Variants in AHCY observed in about 807,000 individuals in gnomAD.
AHCY encodes adenosylhomocysteinase.
A neutral mutation model predicts 45.4 loss-of-function variants in AHCY; 24 were observed. The observed-to-expected ratio is 0.53, with a 90% CI of 0.38 to 0.74. The LOEUF (loss-of-function observed/expected upper bound fraction) is 0.74, where lower values mean the gene tolerates loss of function less well. AHCY is among the 30% of genes least tolerant of loss of function. The pLI is 0.00. For synonymous variants in AHCY, 245 were observed against 235.1 expected, an observed-to-expected ratio of 1.04 and a Z score of -0.39; for missense variants, 449 against 594.1, an observed-to-expected ratio of 0.76 and a Z score of 2.54.
At chr20:34,257,273 T>C in the AHCY span, among the ~76,000 whole-genome samples, 1 of 151,942 alleles carries the variant, frequency 6.6e-6, no homozygotes, top group Non-Finnish European at 1.5e-5. Flanking sequence ...GTATTTTTAG[T>C]AGAAACGGGG....
At chr20:34,255,005 C>T in the AHCY span, among the ~76,000 whole-genome samples, 1 of 152,182 alleles carries the variant, frequency 6.6e-6, no homozygotes, top group Non-Finnish European at 1.5e-5. Flanking sequence ...ATTCACTTTT[C>T]CTGAGTTAGG....
At chr20:34,251,995 C>A in the AHCY span, among the ~76,000 whole-genome samples, 1 of 152,194 alleles carries the variant, frequency 6.6e-6, no homozygotes. Flanking sequence ...CAGACTAAGA[C>A]AGGATTCATA....
At chr20:34,263,058 C>T in the AHCY span, among the ~76,000 whole-genome samples, 1 of 152,116 alleles carries the variant, frequency 6.6e-6, no homozygotes, top group South Asian at 2.1e-4. Context: ...AGCTCTGAGC[C>T]AGACACCCAC....
chr20:34,258,845 G>GTATAATATATGA, the AHCY span, among the ~76,000 whole-genome samples: 1 of 116,584 alleles, frequency 8.6e-6, no homozygotes, highest in South Asian at 2.6e-4. Flanking sequence ...TATATATAGT[G>GTATAATATATGA]TATATATAAT....
upstream of AHCY, among the ~76,000 whole-genome samples, chr20:34,304,422 A>G (rs1414416265): frequency 6.6e-6 from 1 of 152,088 alleles, no homozygotes; most frequent in East Asian, 1.9e-4. Flanking sequence ...AATCATCTCT[A>G]GATTACTTAT....
At chr20:34,291,859 TATCTTCTCAGAGAA>T (rs1367728736) in intron 4 of AHCY, among the ~76,000 whole-genome samples, 3 of 152,240 alleles carry the variant, frequency 2.0e-5, no homozygotes, top group Non-Finnish European at 4.4e-5. Flanking sequence ...TTCTAACATG[TATCTTCTCAGAGAA>T]ATCTTCTCAA....
chr20:34,299,164 G>A (rs1349343395), intron 1 of AHCY, among the ~76,000 whole-genome samples: 4 of 152,032 alleles, frequency 2.6e-5, no homozygotes, highest in African/African-American at 9.7e-5. Context: ...CACACAGGGA[G>A]AGACCCACCG....
intron 3 of AHCY, 69 bp from the exon 4 acceptor site, chr20:34,292,576 C>T: frequency 1.2e-6 from 2 of 1,608,518 alleles, no homozygotes; most frequent in Non-Finnish European, 1.7e-6. Context: ...ACAACTCTGG[C>T]AGAGCCAAAA....
Position 34,290,337 on chromosome 20 carries a change from G to A in AHCY, c.967C>T (p.Pro323Ser), listed in dbSNP as rs2036331952. Reference sequence around the variant, plus strand: ...GCAAGGCGGGAGCTTCTCACCTGCGGCTTGATGTTCACCTTCTCCACGGCG... The same window carrying A: ...GCAAGGCGGGAGCTTCTCACCTGCGACTTGATGTTCACCTTCTCCACGGCG... ...ENAVEKVNIKPQVDRYRLKNG... is the reference protein window; with the variant it reads ...ENAVEKVNIKSQVDRYRLKNG... Residue 323 changes from proline to serine, a missense_variant, in exon 8 of 10, where the codon CCG becomes TCG. Physicochemically the swap from Pro to Ser is moderately conservative, Grantham distance 74. Coordinates refer to ENST00000217426, the MANE Select transcript of AHCY (RefSeq NM_000687.4). The surrounding 1 kb of genome is among the most constrained non-coding windows in gnomAD (Gnocchi z 4.5). 2 of 1,613,986 alleles carry A rather than the reference G, an allele frequency of 1.2e-6. No homozygotes were observed. Among genetic ancestry groups the A allele is most frequent in the East Asian group, 2.2e-5 (1 of 44,878 alleles).
At chr20:34,260,525 T>C in the AHCY span, 1 of 1,611,890 alleles carries the variant, frequency 6.2e-7, no homozygotes, top group Non-Finnish European at 8.5e-7. Flanking sequence ...CCCTTCTGTC[T>C]CTATTGTGGG....
intron 8 of AHCY, among the ~76,000 whole-genome samples, chr20:34,287,732 GAGA>G (rs2036236376): frequency 6.6e-6 from 1 of 152,144 alleles, no homozygotes; most frequent in Non-Finnish European, 1.5e-5. Flanking sequence ...GATGAACAAG[GAGA>G]AGGGCATGTG....
Position 34,295,545 on chromosome 20 carries a change from G to A in AHCY, c.69C>T (p.Asp23=). 6.2e-7 allele frequency: 1 copy of A among 1,614,160 alleles called. No individual in the cohort carries two copies. Among genetic ancestry groups the A allele is most frequent in the Non-Finnish European group, 8.5e-7 (1 of 1,180,034 alleles). The change falls in exon 2 of 10, where the codon GAC becomes GAT. Residue 23 remains aspartate, a synonymous_variant. Coordinates refer to ENST00000217426, the MANE Select transcript of AHCY (RefSeq NM_000687.4). ...GGCCCGGCATCTCGTTCTCAGCAAT[G>A]TCCAGGGCCTTGCGTCCCCAGGCAG... The part of the protein sequence containing the change: ...GLAAWGRKAL[D]IAENEMPGLM...
Position 34,301,743 on chromosome 20 carries a change from T to C in AHCY, c.28+1500A>G, listed in dbSNP as rs375176905. The C allele has an allele frequency of 1.5e-5, 13 of 891,552 alleles. No individual in the cohort carries two copies. In the East Asian group the frequency reaches 8.3e-4, roughly 57 times the overall value. The allele number at this position is 891,552 out of a possible 1,614,324, so 55.2% of individuals were successfully genotyped here. On this transcript the variant is annotated intron_variant, in intron 1 of 9. Coordinates refer to ENST00000217426, the MANE Select transcript of AHCY (RefSeq NM_000687.4). ...CCCCATTCCAGCTCTACTATTGATGTGACCTTCACATAACCTTTCTGGGTT... is the reference window on the plus strand; with the variant it reads ...CCCCATTCCAGCTCTACTATTGATGCGACCTTCACATAACCTTTCTGGGTT...
the AHCY span, among the ~76,000 whole-genome samples, chr20:34,249,538 A>G: frequency 6.6e-6 from 1 of 152,224 alleles, no homozygotes. Context: ...CTTCATGAGC[A>G]TGCAGCTTGT....
chr20:34,305,000 T>G (rs142461542), upstream of AHCY, among the ~76,000 whole-genome samples: 1 of 150,794 alleles, frequency 6.6e-6, no homozygotes, highest in South Asian at 2.1e-4. Context: ...TACTCATTTT[T>G]TAACCTAAAA....
intron 4 of AHCY, 71 bp from the exon 5 acceptor site, chr20:34,291,602 C>A: frequency 2.2e-6 from 3 of 1,348,034 alleles, no homozygotes; most frequent in Non-Finnish European, 3.2e-6. Context: ...TCATCTTTAC[C>A]CCCTAAAGCC....
chr20:34,304,526 T>A (rs1240872520), upstream of AHCY, among the ~76,000 whole-genome samples: 6 of 141,582 alleles, frequency 4.2e-5, no homozygotes, highest in African/African-American at 7.8e-5. Context: ...TTCCCCTGAA[T>A]TTTTTTTTTT....
chr20:34,288,684 A>T (rs2036267325), intron 8 of AHCY, among the ~76,000 whole-genome samples: 1 of 152,090 alleles, frequency 6.6e-6, no homozygotes, highest in Admixed American at 6.6e-5. Flanking sequence ...AAGAAAAAAA[A>T]AATGATGAAC....
chr20:34,306,848 A>G (rs116325303), upstream of AHCY, among the ~76,000 whole-genome samples: 26 of 152,362 alleles, frequency 1.7e-4, 1 homozygote, highest in African/African-American at 6.0e-4. Context: ...TTTCTATAAT[A>G]TTCTTGAAAT....
Sources: allele counts gnomAD v4.1 joint callset (sites outside exome capture counted in the v4.1 genomes callset), GRCh38; gene constraint gnomAD v4.1.1; non-coding constraint Gnocchi (gnomAD v3.1); transcripts MANE v1.5; gene names NCBI Gene and HGNC (gene_info 2026-07-23, HGNC 2026-07-21).